Variants in FHIP1A observed in about 807,000 individuals in gnomAD.
FHIP1A encodes the protein FHF complex subunit HOOK interacting protein 1A, also known as FHF complex subunit HOOK-interacting protein 1A.
In FHIP1A, 61 loss-of-function variants were observed where a neutral mutation model predicts 88.6. That is an observed-to-expected ratio of 0.69 (90% CI 0.56 to 0.85). The LOEUF is 0.85. FHIP1A is among the 40% of genes least tolerant of loss of function. The pLI, the probability that FHIP1A is intolerant of heterozygous loss-of-function variation, is 0.00. For synonymous variants in FHIP1A, 478 were observed against 496.0 expected (o/e 0.96, Z 0.48); for missense variants, 1,154 against 1,273.5 (o/e 0.91, Z 1.43).
At chr4:151,527,823 A>T (rs551392028) in intron 3 of FHIP1A, among the ~76,000 whole-genome samples, 4 of 152,192 alleles carry the variant, frequency 2.6e-5, no homozygotes, top group African/African-American at 7.2e-5. Flanking sequence ...CTCAGACCTC[A>T]CAAGGTTTAC....
chr4:151,453,615 AACCTGATTTCGGATC>A (rs1728871439), intron 1 of FHIP1A, among the ~76,000 whole-genome samples: 1 of 152,172 alleles, frequency 6.6e-6, no homozygotes, highest in South Asian at 2.1e-4. Context: ...TTATTCTAAA[AACCTGATTTCGGATC>A]ACCTGAGGTC....
chr4:151,594,582 CT>C (rs199696936), intron 7 of FHIP1A, among the ~76,000 whole-genome samples: 65 of 145,230 alleles, frequency 4.5e-4, no homozygotes, highest in Admixed American at 5.5e-4. Context: ...TCCCCTTTGT[CT>C]TTTTTTTTTT....
intron 11 of FHIP1A, among the ~76,000 whole-genome samples, chr4:151,651,018 A>G (rs771459208): frequency 6.6e-6 from 1 of 152,214 alleles, no homozygotes; most frequent in Non-Finnish European, 1.5e-5. Context: ...CTCTTTCCCT[A>G]GCACTGGAAG....
In FHIP1A at chr4:151,414,854, T is replaced by C. The variant is rs1256667396; in HGVS notation, c.-356+5389T>C. On this transcript the variant is annotated intron_variant, in intron 1 of 13. Transcript: ENST00000435205. ...TAACTTAAATGAGAGTTAATTTTCT[T>C]ATTACATACATGATACATATTATTC... 2.6e-5 allele frequency among the ~76,000 whole-genome samples: 4 copies of C among 152,342 alleles called. No individual in the cohort carries two copies. The East Asian group carries it at 7.7e-4, about 29-fold the overall frequency.
chr4:151,625,879 ATGTG>A (rs1334350310), intron 7 of FHIP1A, among the ~76,000 whole-genome samples: 1 of 152,202 alleles, frequency 6.6e-6, no homozygotes, highest in African/African-American at 2.4e-5. Flanking sequence ...GATCTCACCT[ATGTG>A]TGCACTTCTT....
At chr4:151,517,183 T>C (rs963960298) in intron 3 of FHIP1A, among the ~76,000 whole-genome samples, 3 of 151,948 alleles carry the variant, frequency 2.0e-5, no homozygotes, top group Non-Finnish European at 2.9e-5. Flanking sequence ...ATCATCATTC[T>C]CAGTAAACTA....
At chr4:151,510,296 T>C (rs1043916924) in intron 3 of FHIP1A, among the ~76,000 whole-genome samples, 2 of 151,934 alleles carry the variant, frequency 1.3e-5, no homozygotes, top group Non-Finnish European at 2.9e-5. Flanking sequence ...TTTGTAGAGA[T>C]GGGGGTCTTA....
At chr4:151,433,688 G>A (rs1042437759) in intron 1 of FHIP1A, among the ~76,000 whole-genome samples, 1 of 151,980 alleles carries the variant, frequency 6.6e-6, no homozygotes, top group African/African-American at 2.4e-5. Flanking sequence ...GAAGGGAGGT[G>A]AGGTGGAAAC....
intron 1 of FHIP1A, among the ~76,000 whole-genome samples, chr4:151,411,660 C>T (rs1423403751): frequency 6.6e-6 from 1 of 152,030 alleles, no homozygotes; most frequent in Non-Finnish European, 1.5e-5. Context: ...TCTTGTATTA[C>T]TTTCATAAAG....
At chr4:151,559,628 G>T (rs1349027064) in intron 3 of FHIP1A, among the ~76,000 whole-genome samples, 1 of 152,130 alleles carries the variant, frequency 6.6e-6, no homozygotes, top group East Asian at 1.9e-4. Context: ...TTGTAACATA[G>T]TATTCCATTA....
intron 3 of FHIP1A, among the ~76,000 whole-genome samples, chr4:151,491,474 A>G (rs918473875): frequency 3.3e-5 from 5 of 152,224 alleles, no homozygotes; most frequent in Admixed American, 3.3e-4. Context: ...GCACTATAAG[A>G]AATGCTAAGA....
intron 2 of FHIP1A, among the ~76,000 whole-genome samples, chr4:151,479,610 G>A (rs560040008): frequency 4.6e-5 from 7 of 152,130 alleles, no homozygotes; most frequent in South Asian, 2.1e-4. Context: ...CCAGGAAAGC[G>A]TTTGATTATA....
intron 7 of FHIP1A, among the ~76,000 whole-genome samples, chr4:151,619,180 T>C (rs1215690848): frequency 6.6e-6 from 1 of 152,232 alleles, no homozygotes; most frequent in African/African-American, 2.4e-5. Flanking sequence ...ACATCCATGA[T>C]CATATTTAAC....
chr4:151,582,022 A>T (rs1374061106), intron 5 of FHIP1A, among the ~76,000 whole-genome samples: 6 of 151,932 alleles, frequency 3.9e-5, no homozygotes, highest in African/African-American at 7.3e-5. Flanking sequence ...TTTTTTTTTT[A>T]AAACCAAATA....
In FHIP1A at chr4:151,656,155, C is replaced by T. The variant is rs1048571914; in HGVS notation, c.2552-77C>T. 8.3e-7 allele frequency: 1 copy of T among 1,202,274 alleles called. No individual in the cohort carries two copies. Among genetic ancestry groups the T allele is most frequent in the Non-Finnish European group, 1.2e-6 (1 of 846,336 alleles). The allele number at this position is 1,202,274 out of a possible 1,614,324, so 74.5% of individuals were successfully genotyped here. On this transcript the variant is annotated intron_variant, in intron 11 of 13. Coordinates refer to ENST00000435205, the MANE Select transcript of FHIP1A (RefSeq NM_001109977.3). The surrounding 1 kb of genome is among the most constrained non-coding windows in gnomAD (Gnocchi z 4.2). Reference sequence around the variant, plus strand: ...CCATGGTGGTTTGGGAGATGTGGCACCGATGGTTCTGCAATTGTCAGGGAA... The same window carrying T: ...CCATGGTGGTTTGGGAGATGTGGCATCGATGGTTCTGCAATTGTCAGGGAA...
chr4:151,431,325 C>A (rs1003028855), intron 1 of FHIP1A, among the ~76,000 whole-genome samples: 2 of 152,114 alleles, frequency 1.3e-5, no homozygotes, highest in Admixed American at 1.3e-4. Flanking sequence ...ATGCAATTGT[C>A]CCCCAGAGGG....
At chr4:151,488,813 T>C (rs1730175734) in intron 3 of FHIP1A, among the ~76,000 whole-genome samples, 1 of 152,252 alleles carries the variant, frequency 6.6e-6, no homozygotes, top group South Asian at 2.1e-4. Context: ...GTATTCAATA[T>C]TGATCATATG....
At chr4:151,531,813 T>G (rs944559018) in intron 3 of FHIP1A, among the ~76,000 whole-genome samples, 2 of 152,184 alleles carry the variant, frequency 1.3e-5, no homozygotes, top group Non-Finnish European at 2.9e-5. Context: ...TGCATGCCAC[T>G]TACGTAAATT....
At chr4:151,480,056 A>G (rs1264519814) in intron 2 of FHIP1A, among the ~76,000 whole-genome samples, 1 of 152,060 alleles carries the variant, frequency 6.6e-6, no homozygotes, top group Non-Finnish European at 1.5e-5. Context: ...GGCAGGAGAC[A>G]TATTTTGTTT....
Sources: allele counts gnomAD v4.1 joint callset (sites outside exome capture counted in the v4.1 genomes callset), GRCh38; gene constraint gnomAD v4.1.1; non-coding constraint Gnocchi (gnomAD v3.1); transcripts MANE v1.5; gene names NCBI Gene and HGNC (gene_info 2026-07-23, HGNC 2026-07-21).